Variants in CUX1 observed in about 807,000 individuals in gnomAD.
CUX1 encodes cut like homeobox 1.
A neutral mutation model predicts 158.8 loss-of-function variants in CUX1; 31 were observed. The observed-to-expected ratio is 0.20, with a 90% CI of 0.15 to 0.26. The LOEUF (loss-of-function observed/expected upper bound fraction) is 0.26. CUX1 is among the 10% of genes least tolerant of loss of function. The pLI, the probability that CUX1 is intolerant of heterozygous loss-of-function variation, is 1.00. For missense variants in CUX1, 1,589 were observed against 2,014.6 expected (o/e 0.79, Z 4.04); for synonymous variants, 879 against 862.1 (o/e 1.02, Z -0.34).
chr7:101,887,322 T>A (rs1800331495), intron 1 of CUX1, among the ~76,000 whole-genome samples: 1 of 152,148 alleles, frequency 6.6e-6, no homozygotes, highest in African/African-American at 2.4e-5. Context: ...TTTCTTTTTT[T>A]TTAGAAAGAG....
intron 8 of CUX1, among the ~76,000 whole-genome samples, chr7:102,119,959 G>A (rs1182870921): frequency 6.6e-6 from 1 of 152,102 alleles, no homozygotes; most frequent in African/African-American, 2.4e-5. Context: ...CCTTAACCTT[G>A]GAGACTCTAG....
At chr7:101,971,905 A>G (rs894666154) in intron 2 of CUX1, among the ~76,000 whole-genome samples, 3 of 152,212 alleles carry the variant, frequency 2.0e-5, no homozygotes, top group African/African-American at 7.2e-5. Flanking sequence ...ACCTCTTTCT[A>G]TAGGTAGAGG....
intron 3 of CUX1, among the ~76,000 whole-genome samples, chr7:102,067,540 C>A (rs1825680585): frequency 6.6e-6 from 1 of 150,524 alleles, no homozygotes; most frequent in African/African-American, 2.4e-5. Context: ...CTGACCACAA[C>A]TCTATTTTTT....
chr7:102,193,447 T>C (rs553267886), intron 12 of CUX1, among the ~76,000 whole-genome samples: 42 of 152,334 alleles, frequency 2.8e-4, no homozygotes, highest in African/African-American at 9.9e-4. Context: ...TTGACAGTTC[T>C]TCGGTTCCTG....
At chr7:102,079,102 C>A (rs1827085113) in intron 4 of CUX1, among the ~76,000 whole-genome samples, 1 of 152,132 alleles carries the variant, frequency 6.6e-6, no homozygotes, top group Non-Finnish European at 1.5e-5. Flanking sequence ...CCACTGCCTG[C>A]CCCTCACTCA....
At chr7:102,218,932 C>T (rs1210167468) in intron 20 of CUX1, among the ~76,000 whole-genome samples, 8 of 146,302 alleles carry the variant, frequency 5.5e-5, no homozygotes, top group South Asian at 2.2e-4. Flanking sequence ...GCACGCCTGT[C>T]GTTCCAGCTA....
chr7:102,168,938 CT>C (rs782482609), intron 9 of CUX1, among the ~76,000 whole-genome samples: 12 of 52,636 alleles, frequency 2.3e-4, no homozygotes, highest in Admixed American at 4.1e-4. Context: ...CTTTTATTTT[CT>C]TTTTTTTTTT....
chr7:102,104,736 CA>C (rs199924424), intron 6 of CUX1, among the ~76,000 whole-genome samples: 2 of 150,850 alleles, frequency 1.3e-5, no homozygotes, highest in Non-Finnish European at 3.0e-5. Flanking sequence ...CTAAAAAATA[CA>C]AAAAAAAATT....
At chr7:102,175,283 T>C (rs1396228109) in intron 10 of CUX1, among the ~76,000 whole-genome samples, 1 of 152,228 alleles carries the variant, frequency 6.6e-6, no homozygotes, top group Non-Finnish European at 1.5e-5. Context: ...CACTTTGACT[T>C]GCGCCTTGTA....
Position 102,201,531 on chromosome 7 carries a change from T to C in CUX1, c.2234T>C (p.Leu745Pro). The C allele has an allele frequency of 6.2e-7, 1 of 1,614,104 alleles. No individual in the cohort carries two copies. Among genetic ancestry groups the C allele is most frequent in the South Asian group, 1.1e-5 (1 of 91,082 alleles). ...GACATCACCATCCTCACCCCCAAGCTTCTGTCCACCTCGCCCATGCCCACC... is the reference window on the plus strand; with the variant it reads ...GACATCACCATCCTCACCCCCAAGCCTCTGTCCACCTCGCCCATGCCCACC... ...QSDITILTPKLLSTSPMPTVS... is the reference protein window; with the variant it reads ...QSDITILTPKPLSTSPMPTVS... Residue 745 changes from leucine to proline, a missense_variant, in exon 18 of 24, where the codon CTT (leucine) becomes CCT (proline). By Grantham distance (98) the Leu-to-Pro change is moderately conservative (BLOSUM62 -3). Around this residue, in one of 8 missense-constraint regions of CUX1, gnomAD observed 337 missense variants for 409.3 expected, o/e 0.82. Transcript: ENST00000292535. The surrounding 1 kb of genome is among the most constrained non-coding windows in gnomAD (Gnocchi z 5.0).
chr7:102,159,802 A>G (rs1227574537), intron 9 of CUX1, among the ~76,000 whole-genome samples: 1 of 152,306 alleles, frequency 6.6e-6, no homozygotes, highest in East Asian at 1.9e-4. Flanking sequence ...CAGCAGTTGC[A>G]GTGAGCCAAG....
rs988207247 is a variant in CUX1 at position 102,081,331 on chromosome 7, T to C, written c.268+10914T>C. ...GCTTTGGCCACTGATATGGTTTGGC[T>C]CTGTGTCCCCACCCAAATCTCACCT... On this transcript the variant is annotated intron_variant, in intron 4 of 23. Coordinates refer to ENST00000292535, the MANE Select transcript of CUX1 (RefSeq NM_181552.4). 1.3e-4 allele frequency among the ~76,000 whole-genome samples: 15 copies of C among 117,630 alleles called. 3 individuals are homozygous for C. The highest frequency in any genetic ancestry group is 1.5e-4 in the Non-Finnish European group (7 of 46,056). The allele number at this position is 117,630 out of a possible 152,430, so 77.2% of individuals were successfully genotyped here. A position where few individuals can be genotyped will look rare whatever the true frequency, so the allele number is the denominator to read the frequency against.
At chr7:101,908,186 T>C (rs1172702386) in intron 1 of CUX1, among the ~76,000 whole-genome samples, 1 of 152,208 alleles carries the variant, frequency 6.6e-6, no homozygotes, top group Non-Finnish European at 1.5e-5. Context: ...TGTGTATCTG[T>C]GTATTTGCAG....
intron 3 of CUX1, among the ~76,000 whole-genome samples, chr7:102,059,687 C>G (rs1824566955): frequency 6.6e-6 from 1 of 151,226 alleles, no homozygotes; most frequent in South Asian, 2.1e-4. Flanking sequence ...GCGTACGTGT[C>G]TGTTTTGGAC....
intron 2 of CUX1, among the ~76,000 whole-genome samples, chr7:101,956,138 CAAAAAA>C (rs11462111): frequency 3.1e-5 from 2 of 64,978 alleles, no homozygotes; most frequent in East Asian, 4.8e-4. Context: ...GCCCACGTCT[CAAAAAA>C]AAAAAAAAAA....
intron 8 of CUX1, among the ~76,000 whole-genome samples, chr7:102,146,452 G>A (rs1346336195): frequency 6.6e-6 from 1 of 152,118 alleles, no homozygotes; most frequent in Admixed American, 6.6e-5. Context: ...AGCTATACTC[G>A]GACTGGCTAA....
Position 102,257,791 on chromosome 7 carries a change from A to C in CUX1, c.*8749A>C, listed in dbSNP as rs1426446936. 2.0e-6 allele frequency: 2 copies of C among 984,246 alleles called. No homozygotes were observed. The highest frequency in any genetic ancestry group is 2.4e-6 in the Non-Finnish European group (2 of 829,814). 61.0% of individuals were successfully genotyped at this position (984,246 alleles called of 1,614,324 possible). A position where few individuals can be genotyped will look rare whatever the true frequency, so the allele number is the denominator to read the frequency against. ...TTTTCTGTAACGCACCAAGTCTTAG[A>C]TCTTTCTAGAGCTTGTTTGTTCATC... On this transcript the variant is annotated 3_prime_UTR_variant, in exon 24 of 24. Coordinates refer to ENST00000292535, the MANE Select transcript of CUX1 (RefSeq NM_181552.4).
chr7:101,850,516 G>A (rs559183107), intron 1 of CUX1, among the ~76,000 whole-genome samples: 14 of 149,722 alleles, frequency 9.4e-5, no homozygotes, highest in East Asian at 2.0e-4. Context: ...CCTTGACCAG[G>A]TATAGGAAAT....
intron 3 of CUX1, among the ~76,000 whole-genome samples, chr7:102,041,769 G>A (rs1486632382): frequency 2.0e-5 from 3 of 148,040 alleles, no homozygotes; most frequent in Non-Finnish European, 4.4e-5. Flanking sequence ...CCGGGTTCAA[G>A]CGATTCTCCT....
Sources: allele counts gnomAD v4.1 joint callset (sites outside exome capture counted in the v4.1 genomes callset), GRCh38; gene constraint gnomAD v4.1.1; regional missense constraint gnomAD v4.1.1; non-coding constraint Gnocchi (gnomAD v3.1); transcripts MANE v1.5; gene names NCBI Gene and HGNC (gene_info 2026-07-23, HGNC 2026-07-21).